The following ANAPC10 variants were observed in gnomAD, a reference collection of about 807,000 sequenced individuals.
ANAPC10 encodes anaphase-promoting complex subunit 10.
In ANAPC10, 12 loss-of-function variants were observed where a neutral mutation model predicts 22.0. The observed-to-expected ratio is 0.55, with a 90% CI of 0.35 to 0.88. The LOEUF (loss-of-function observed/expected upper bound fraction) is 0.88. ANAPC10 is among the 40% of genes least tolerant of loss of function. The pLI, the probability that ANAPC10 is intolerant of heterozygous loss-of-function variation, is 0.01. For synonymous variants in ANAPC10, 65 were observed against 69.5 expected, an observed-to-expected ratio of 0.94 and a Z score of 0.32; for missense variants, 188 against 220.9, an observed-to-expected ratio of 0.85 and a Z score of 0.94.
intron 4 of ANAPC10, among the ~76,000 whole-genome samples, chr4:145,042,811 T>A (rs930515314): frequency 1.3e-4 from 19 of 151,622 alleles, no homozygotes; most frequent in Non-Finnish European, 2.2e-4. Context: ...CGGTTTTCTG[T>A]TTTTTTTGGA....
chr4:145,029,157 C>A (rs1364867877), intron 4 of ANAPC10, among the ~76,000 whole-genome samples: 2 of 152,062 alleles, frequency 1.3e-5, no homozygotes, highest in East Asian at 3.9e-4. Flanking sequence ...ACACTGAGTT[C>A]GTAAACTCTG....
chr4:145,074,182 T>C (rs774175568), intron 3 of ANAPC10, among the ~76,000 whole-genome samples: 4 of 151,402 alleles, frequency 2.6e-5, no homozygotes, highest in Non-Finnish European at 5.9e-5. Flanking sequence ...GCAAAAAGCT[T>C]CTCTATTTTC....
intron 1 of ANAPC10, chr4:145,097,464 T>C (rs1190934899): frequency 7.8e-7 from 1 of 1,285,718 alleles, no homozygotes; most frequent in African/African-American, 1.5e-5. Flanking sequence ...TTATATATGC[T>C]ATTCAAAATA....
At chr4:144,997,168 G>C (rs183630315) in intron 4 of ANAPC10, among the ~76,000 whole-genome samples, 1 of 152,310 alleles carries the variant, frequency 6.6e-6, no homozygotes, top group Admixed American at 6.5e-5. Flanking sequence ...CACTCTTCAG[G>C]ATATTGCCCA....
intron 4 of ANAPC10, among the ~76,000 whole-genome samples, chr4:145,007,350 C>T (rs541159225): frequency 1.3e-5 from 2 of 152,150 alleles, no homozygotes; most frequent in South Asian, 4.2e-4. Context: ...CTTCTCAGCA[C>T]CCCACACGCT....
intron 4 of ANAPC10, among the ~76,000 whole-genome samples, chr4:145,060,812 T>C (rs1742778087): frequency 6.6e-6 from 1 of 152,008 alleles, no homozygotes; most frequent in African/African-American, 2.4e-5. Flanking sequence ...TATTTAGATA[T>C]TGTGGTAGAA....
rs191272791 is a variant in ANAPC10 at position 145,030,827 on chromosome 4, T to C, written c.327+33745A>G. 3.2e-4 allele frequency among the ~76,000 whole-genome samples: 48 copies of C among 152,316 alleles called. 1 individual carries two copies. The highest frequency in any genetic ancestry group is 1.0e-3 in the African/African-American group (43 of 41,574). On this transcript the variant is annotated intron_variant, in intron 4 of 4. Coordinates refer to ENST00000507656, the MANE Select transcript of ANAPC10 (RefSeq NM_001256706.2). ...TCCCTGGAGGGGTTGCAAAGATTAG[T>C]GCCACCATCAAGGACTTGAAGGACG...
intron 2 of ANAPC10, among the ~76,000 whole-genome samples, chr4:145,090,957 T>C (rs1431683288): frequency 6.6e-6 from 1 of 152,222 alleles, no homozygotes; most frequent in Non-Finnish European, 1.5e-5. Context: ...TATCTGACCC[T>C]AGAGAAGCAA....
chr4:145,083,431 T>C (rs1467273153), intron 2 of ANAPC10, among the ~76,000 whole-genome samples: 1 of 152,198 alleles, frequency 6.6e-6, no homozygotes, highest in Non-Finnish European at 1.5e-5. Flanking sequence ...TATATGTTAT[T>C]TCTAGAGAAT....
chr4:145,017,609 C>T (rs2126965554), intron 4 of ANAPC10, among the ~76,000 whole-genome samples: 1 of 152,244 alleles, frequency 6.6e-6, no homozygotes, highest in East Asian at 1.9e-4. Context: ...ACCCAGCCAT[C>T]CCATTACTGG....
At chr4:145,088,558 A>T (rs1747221733) in intron 2 of ANAPC10, among the ~76,000 whole-genome samples, 1 of 152,102 alleles carries the variant, frequency 6.6e-6, no homozygotes, top group Non-Finnish European at 1.5e-5. Flanking sequence ...GTGAATCGTA[A>T]TTATTCCACC....
chr4:145,023,745 G>A (rs533494545), intron 4 of ANAPC10, among the ~76,000 whole-genome samples: 1 of 152,280 alleles, frequency 6.6e-6, no homozygotes, highest in Admixed American at 6.5e-5. Context: ...GCTGGTGTAA[G>A]GTCTTGCCTT....
intron 4 of ANAPC10, among the ~76,000 whole-genome samples, chr4:145,042,294 T>C (rs903081658): frequency 1.3e-5 from 2 of 152,170 alleles, no homozygotes; most frequent in Non-Finnish European, 1.5e-5. Flanking sequence ...CTTGATTATG[T>C]AGGGTCAGTT....
chr4:145,061,330 C>T (rs1742857705), intron 4 of ANAPC10, among the ~76,000 whole-genome samples: 1 of 152,108 alleles, frequency 6.6e-6, no homozygotes, highest in Admixed American at 6.6e-5. Flanking sequence ...TATTTAATGT[C>T]AGTAAAATTT....
At chr4:145,063,390 C>T (rs1201518416) in intron 4 of ANAPC10, among the ~76,000 whole-genome samples, 4 of 152,000 alleles carry the variant, frequency 2.6e-5, no homozygotes, top group Non-Finnish European at 4.4e-5. Context: ...GCAAGTTTTA[C>T]GAGAACAACA....
intron 4 of ANAPC10, among the ~76,000 whole-genome samples, chr4:145,041,613 T>G (rs527475612): frequency 6.6e-6 from 1 of 152,306 alleles, no homozygotes; most frequent in Admixed American, 6.5e-5. Flanking sequence ...AGAAGGCATA[T>G]GCAAGATATG....
Position 145,020,590 on chromosome 4 carries a change from A to G in ANAPC10, c.328-24987T>C, listed in dbSNP as rs1735829155. Among the ~76,000 whole-genome samples, 4 of 152,110 alleles carry G rather than the reference A, an allele frequency of 2.6e-5. No homozygotes were observed. In the South Asian group the frequency reaches 8.3e-4, roughly 31 times the overall value. ...TGGAAGTCCTATCCAGAGCAATCAA[A>G]CAAGCGAAAGAAATAAAGGACATCC... On this transcript the variant is annotated intron_variant, in intron 4 of 4. Transcript: ENST00000507656.
chr4:145,008,512 G>A (rs1287343742), intron 4 of ANAPC10, among the ~76,000 whole-genome samples: 3 of 152,128 alleles, frequency 2.0e-5, no homozygotes, highest in Admixed American at 2.0e-4. Flanking sequence ...TTCAATCTTG[G>A]GATGCAAGGC....
rs1344066009 is a variant in ANAPC10, at chr4:145,016,500, G to A, written c.328-20897C>T. Among the ~76,000 whole-genome samples the A allele has an allele frequency of 2.6e-5, 4 of 152,318 alleles. No homozygotes were observed. The East Asian group carries it at 7.7e-4, about 29-fold the overall frequency. Reference sequence around the variant, plus strand: ...ACAAACAAATGGAAGAACATTCCATGCTCATGGATAGGAAGAATCAATATT... The same window carrying A: ...ACAAACAAATGGAAGAACATTCCATACTCATGGATAGGAAGAATCAATATT... On this transcript the variant is annotated intron_variant, in intron 4 of 4. Coordinates refer to ENST00000507656, the MANE Select transcript of ANAPC10 (RefSeq NM_001256706.2).
Sources: gnomAD v4.1 joint callset for allele counts (sites outside exome capture counted in the v4.1 genomes callset) on GRCh38, gnomAD v4.1.1 for gene constraint, MANE v1.5 for transcripts, NCBI Gene and HGNC (gene_info 2026-07-23, HGNC 2026-07-21) for gene names.